PIP5K1B: variants seen among roughly 807,000 people sequenced by gnomAD.
PIP5K1B encodes phosphatidylinositol 4-phosphate 5-kinase type-1 beta.
A neutral mutation model predicts 67.0 loss-of-function variants in PIP5K1B; 42 were observed. The ratio of observed to expected loss-of-function variants is 0.63; its 90% CI spans 0.49 to 0.81. PIP5K1B has a LOEUF of 0.81. Ranked by LOEUF, PIP5K1B falls within the 30% of genes least tolerant of loss-of-function variation. The probability of loss-of-function intolerance (pLI) is 0.00; values close to 1 mark genes in which losing one functional copy is unlikely to be tolerated. For missense variants in PIP5K1B, 459 were observed against 646.3 expected (o/e 0.71, Z 3.14); for synonymous variants, 214 against 231.4 (o/e 0.92, Z 0.68).
chr9:68,874,892 T>C (rs1413445563), intron 5 of PIP5K1B, among the ~76,000 whole-genome samples: 1 of 152,220 alleles, frequency 6.6e-6, no homozygotes, highest in East Asian at 1.9e-4. Flanking sequence ...GTTATAGGTC[T>C]CTTTGAGCCT....
In PIP5K1B at chr9:69,001,077, A is replaced by T. The variant is rs559216765; in HGVS notation, c.1621-7370A>T. On this transcript the variant is annotated intron_variant, in intron 15 of 15. Coordinates refer to ENST00000265382, the MANE Select transcript of PIP5K1B (RefSeq NM_003558.4). ...CCACACCCGGCTAATTTTTATTTTT[A>T]TTTTTTTTTTGTAATGACAGGGTTT... is the stretch of plus-strand genomic sequence containing the variant. Among the ~76,000 whole-genome samples the T allele has an allele frequency of 3.5e-3, 516 of 146,964 alleles. 1 individual carries two copies. Among genetic ancestry groups the T allele is most frequent in the Non-Finnish European group, 6.0e-3 (400 of 66,294 alleles).
chr9:68,842,148 A>G (rs1821950998), intron 4 of PIP5K1B, among the ~76,000 whole-genome samples: 1 of 152,126 alleles, frequency 6.6e-6, no homozygotes, highest in African/African-American at 2.4e-5. Flanking sequence ...GATGGCTAAT[A>G]TACTCCCTGC....
At chr9:68,995,728 C>A (rs1830574470) in intron 15 of PIP5K1B, among the ~76,000 whole-genome samples, 1 of 151,440 alleles carries the variant, frequency 6.6e-6, no homozygotes, top group South Asian at 2.1e-4. Flanking sequence ...TGGCTTGAAC[C>A]CAGGAGGCAG....
chr9:68,710,799 A>G (rs1351069696), intron 1 of PIP5K1B, among the ~76,000 whole-genome samples: 2 of 152,232 alleles, frequency 1.3e-5, no homozygotes, highest in African/African-American at 4.8e-5. Context: ...ATGGGACTCA[A>G]TAAACAATGA....
rs116098714 is a variant in PIP5K1B, at chr9:68,751,752, C to T, written c.-86+9095C>T. 4.3e-3 allele frequency among the ~76,000 whole-genome samples: 661 copies of T among 152,208 alleles called. 5 individuals are homozygous for T. Among genetic ancestry groups the T allele is most frequent in the African/African-American group, 0.015 (621 of 41,510 alleles). On this transcript the variant is annotated intron_variant, in intron 2 of 15. Coordinates refer to ENST00000265382, the MANE Select transcript of PIP5K1B (RefSeq NM_003558.4). ...GGCTTCATTGGGAAATGGTCAAGAT[C>T]AAGGATGGAGCACATCTGGAATTCA...
intron 2 of PIP5K1B, among the ~76,000 whole-genome samples, chr9:68,750,414 T>G (rs1418366397): frequency 6.6e-6 from 1 of 152,240 alleles, no homozygotes; most frequent in East Asian, 1.9e-4. Context: ...GATAGTTCTA[T>G]TATTCCATAA....
chr9:68,798,916 A>G (rs17057642), intron 2 of PIP5K1B, among the ~76,000 whole-genome samples: 6,852 of 152,284 alleles, frequency 0.045, 311 homozygotes, highest in East Asian at 0.24. Context: ...AATCAGCAAG[A>G]TTTGGGAGAG....
intron 2 of PIP5K1B, among the ~76,000 whole-genome samples, chr9:68,751,760 G>A (rs923761434): frequency 2.6e-5 from 4 of 152,174 alleles, no homozygotes; most frequent in Non-Finnish European, 4.4e-5. Context: ...ATCAAGGATG[G>A]AGCACATCTG....
chr9:68,809,489 A>G (rs1281512477), intron 2 of PIP5K1B, among the ~76,000 whole-genome samples: 7 of 152,228 alleles, frequency 4.6e-5, no homozygotes, highest in Non-Finnish European at 2.9e-5. Flanking sequence ...ATTCTGGCAC[A>G]AAATTTAAGA....
chr9:68,845,962 A>T (rs1227368438), intron 4 of PIP5K1B, among the ~76,000 whole-genome samples: 1 of 152,208 alleles, frequency 6.6e-6, no homozygotes, highest in Non-Finnish European at 1.5e-5. Flanking sequence ...TTTTTGTAAA[A>T]CATGATCTAG....
chr9:68,747,349 T>C (rs1221258299), intron 2 of PIP5K1B, among the ~76,000 whole-genome samples: 1 of 151,450 alleles, frequency 6.6e-6, no homozygotes, highest in Non-Finnish European at 1.5e-5. Context: ...TGTAAAATAA[T>C]AGACCACCAA....
chr9:68,981,642 C>T lies in PIP5K1B; in HGVS notation c.1503-9498C>T, dbSNP rs189848959. 7.9e-5 allele frequency among the ~76,000 whole-genome samples: 12 copies of T among 152,274 alleles called. 1 individual carries two copies. Among genetic ancestry groups the T allele is most frequent in the Middle Eastern group, 6.8e-3 (2 of 294 alleles). ...GTACCATATGTTCCCTCAACAAATG[C>T]TCTCATGAGAATTAGCTATAAAACA... On this transcript the variant is annotated intron_variant, in intron 14 of 15. Transcript: ENST00000265382.
chr9:68,823,376 T>C (rs1410506663), intron 4 of PIP5K1B, among the ~76,000 whole-genome samples: 6 of 152,174 alleles, frequency 3.9e-5, no homozygotes, highest in African/African-American at 1.2e-4. Flanking sequence ...GTTCTGTGTA[T>C]AATATATGAA....
intron 2 of PIP5K1B, among the ~76,000 whole-genome samples, chr9:68,750,528 G>A (rs967816902): frequency 2.0e-5 from 3 of 152,178 alleles, no homozygotes; most frequent in African/African-American, 7.2e-5. Flanking sequence ...GCAGGTTTTG[G>A]TGAAATGTTA....
At chr9:68,962,053 T>G (rs928080059) in intron 14 of PIP5K1B, among the ~76,000 whole-genome samples, 2 of 152,204 alleles carry the variant, frequency 1.3e-5, no homozygotes, top group Non-Finnish European at 2.9e-5. Context: ...TTTCCCTCAT[T>G]TTTATGAGTT....
At chr9:68,779,899 A>G (rs1346345681) in intron 2 of PIP5K1B, 2 of 437,028 alleles carry the variant, frequency 4.6e-6, no homozygotes, top group South Asian at 7.6e-5. Context: ...GCTTGCGCTC[A>G]ATAGCTATTT....
intron 4 of PIP5K1B, among the ~76,000 whole-genome samples, chr9:68,852,289 C>G (rs1176929342): frequency 2.6e-5 from 4 of 152,008 alleles, no homozygotes; most frequent in African/African-American, 9.7e-5. Context: ...TGCAGGGAAA[C>G]CATAAGGGGT....
chr9:68,988,879 G>C (rs1005719780), intron 14 of PIP5K1B, among the ~76,000 whole-genome samples: 1 of 151,686 alleles, frequency 6.6e-6, no homozygotes, highest in Non-Finnish European at 1.5e-5. Context: ...GGTGAATCAC[G>C]AGGTCAGGAG....
intron 2 of PIP5K1B, among the ~76,000 whole-genome samples, chr9:68,757,485 A>G (rs555502837): frequency 3.2e-4 from 49 of 152,170 alleles, no homozygotes; most frequent in African/African-American, 1.1e-3. Context: ...TAAAAAAAAG[A>G]AAAGGCCTTG....
Sources: allele counts gnomAD v4.1 joint callset (sites outside exome capture counted in the v4.1 genomes callset), GRCh38; gene constraint gnomAD v4.1.1; transcripts MANE v1.5; gene names NCBI Gene and HGNC (gene_info 2026-07-23, HGNC 2026-07-21).